GLUD1: variants seen among roughly 807,000 people sequenced by gnomAD.
GLUD1 encodes glutamate dehydrogenase 1, mitochondrial.
In GLUD1, 22 loss-of-function variants were observed where a neutral mutation model predicts 56.0. The ratio of observed to expected loss-of-function variants is 0.39; its 90% CI spans 0.28 to 0.56. The LOEUF is 0.56. Among genes scored for constraint, GLUD1 ranks in the 20% least tolerant of loss-of-function variants. The pLI, the probability that GLUD1 is intolerant of heterozygous loss-of-function variation, is 0.58. For synonymous variants in GLUD1, 223 were observed against 269.9 expected, an observed-to-expected ratio of 0.83 and a Z score of 1.70; for missense variants, 451 against 732.0, an observed-to-expected ratio of 0.62 and a Z score of 4.43.
rs1360155751 is a variant in GLUD1, at chr10:87,061,029, G to A, written c.945C>T (p.His315=). The A allele has an allele frequency of 1.2e-6, 2 of 1,613,604 alleles. No homozygotes were observed. The highest frequency in any genetic ancestry group is 1.7e-6 in the Non-Finnish European group (2 of 1,179,682). Residue 315 remains histidine, a synonymous_variant, in exon 7 of 13, where the codon CAC becomes CAT. Coordinates refer to ENST00000277865, the MANE Select transcript of GLUD1 (RefSeq NM_005271.5). ...VVQGFGNVGL[H]SMRYLHRFGA... is the part of the protein sequence containing the mutation. ...CAAAACGATGTAAATATCTCATAGAGTGTAGGCCCACATTACCAAATCCCT... is the reference window on the plus strand; with the variant it reads ...CAAAACGATGTAAATATCTCATAGAATGTAGGCCCACATTACCAAATCCCT...
intron 5 of GLUD1, among the ~76,000 whole-genome samples, chr10:87,064,850 G>C (rs1041995029): frequency 6.6e-6 from 1 of 152,192 alleles, no homozygotes. Context: ...TCTGGGGTCA[G>C]GCCTGGCGCC....
chr10:87,066,771 C>A (rs886082019), intron 5 of GLUD1, among the ~76,000 whole-genome samples: 2 of 152,248 alleles, frequency 1.3e-5, no homozygotes, highest in Admixed American at 1.3e-4. Context: ...ACACATGGCC[C>A]TGCATGTAGT....
At chr10:87,069,514 C>CAAAAAAAAAAAAAAAAAAAAAAAAA (rs374019349) in intron 4 of GLUD1, among the ~76,000 whole-genome samples, 1 of 62,620 alleles carries the variant, frequency 1.6e-5, no homozygotes, top group Non-Finnish European at 3.3e-5. Context: ...GACTCTGTTT[C>CAAAAAAAAAAAAAAAAAAAAAAAAA]AAAAAAAAAA....
chr10:87,079,119 T>G (rs894981693), intron 1 of GLUD1, among the ~76,000 whole-genome samples: 1 of 152,126 alleles, frequency 6.6e-6, no homozygotes, highest in Non-Finnish European at 1.5e-5. Context: ...GTTGTATTCA[T>G]AAATCATAAA....
At chr10:87,080,050 G>T (rs1264989880) in intron 1 of GLUD1, among the ~76,000 whole-genome samples, 2 of 151,594 alleles carry the variant, frequency 1.3e-5, no homozygotes, top group Non-Finnish European at 2.9e-5. Flanking sequence ...TGATTCTCCT[G>T]CCTCAGCCTG....
intron 1 of GLUD1, among the ~76,000 whole-genome samples, chr10:87,080,507 A>G (rs1057316811): frequency 1.3e-5 from 2 of 151,062 alleles, no homozygotes; most frequent in Non-Finnish European, 2.9e-5. Context: ...GCCTCTTCCC[A>G]GCCGCCATCC....
At chr10:87,081,507 G>C (rs1052425256) in intron 1 of GLUD1, among the ~76,000 whole-genome samples, 2 of 152,126 alleles carry the variant, frequency 1.3e-5, no homozygotes, top group Admixed American at 6.5e-5. Context: ...AATAGAAAGC[G>C]GGGAAAGGTG....
In GLUD1 at chr10:87,094,464, C is replaced by A. The variant is rs1841661382; in HGVS notation, c.306G>T (p.Val102=). Residue 102 remains valine (V), a synonymous_variant, in exon 1 of 13, where the codon GTG becomes GTT. Transcript: ENST00000277865. The surrounding 1 kb of genome is among the most constrained non-coding windows in gnomAD (Gnocchi z 6.6). ...RESEEQKRNR[V]RGILRIIKPC... is the part of the protein sequence containing the mutation. ...GCTTGATGATCCGCAGGATGCCGCG[C>A]ACCCGGTTCCGCTTCTGCTCCTCGC... 1 of 1,613,748 alleles carries A rather than the reference C, an allele frequency of 6.2e-7. No individual in the cohort carries two copies. Among genetic ancestry groups the A allele is most frequent in the Non-Finnish European group, 8.5e-7 (1 of 1,179,978 alleles).
chr10:87,083,838 C>CAT (rs1649211901), intron 1 of GLUD1, among the ~76,000 whole-genome samples: 1 of 151,940 alleles, frequency 6.6e-6, no homozygotes, highest in South Asian at 2.1e-4. Context: ...CACACACACA[C>CAT]GCACACACCG....
intron 4 of GLUD1, among the ~76,000 whole-genome samples, chr10:87,073,133 C>A (rs1846284539): frequency 6.6e-6 from 1 of 152,120 alleles, no homozygotes; most frequent in South Asian, 2.1e-4. Flanking sequence ...AAAAATGAAT[C>A]CGAATAGCTT....
intron 5 of GLUD1, 128 bp downstream of exon 5, chr10:87,067,935 T>G: frequency 1.5e-6 from 1 of 685,370 alleles, no homozygotes. Context: ...TAAAATAATA[T>G]GCACATCAAG....
intron 1 of GLUD1, among the ~76,000 whole-genome samples, chr10:87,080,045 C>T (rs1005808463): frequency 6.6e-5 from 10 of 151,814 alleles, no homozygotes; most frequent in African/African-American, 2.2e-4. Context: ...CTGCCTGATT[C>T]TCCTGCCTCA....
At chr10:87,093,917 T>G in intron 1 of GLUD1, 10 of 1,331,460 alleles carry the variant, frequency 7.5e-6, no homozygotes, top group South Asian at 1.2e-5. Context: ...ACAGCTTGCA[T>G]TTAGGGGAGA....
Position 87,083,430 on chromosome 10 carries a change from AAAT to A in GLUD1, c.446-6777_446-6775del, listed in dbSNP as rs1841308977. Among the ~76,000 whole-genome samples the A allele has an allele frequency of 2.0e-5, 3 of 152,186 alleles. No individual in the cohort carries two copies. The South Asian group carries it at 6.2e-4, about 31-fold the overall frequency. On this transcript the variant is annotated intron_variant, in intron 1 of 12. Transcript: ENST00000277865. ...CAATTTGAAGTTGTTCAAAAAAGTC[AAAT>A]AATAGGAAAATACATACACATACAA...
chr10:87,063,585 C>T (rs9421574), intron 5 of GLUD1, among the ~76,000 whole-genome samples: 14,255 of 152,108 alleles, frequency 0.094, 1,500 homozygotes, highest in East Asian at 0.59. Context: ...CAAAACAGAG[C>T]CTGAGACAGG....
intron 4 of GLUD1, among the ~76,000 whole-genome samples, chr10:87,072,335 C>T (rs1846261486): frequency 6.6e-6 from 1 of 152,160 alleles, no homozygotes; most frequent in South Asian, 2.1e-4. Flanking sequence ...ATAAAAATCC[C>T]AGCCTCTTTT....
At chr10:87,088,171 G>GTT (rs994726486) in intron 1 of GLUD1, among the ~76,000 whole-genome samples, 2 of 144,044 alleles carry the variant, frequency 1.4e-5, no homozygotes, top group Non-Finnish European at 3.1e-5. Flanking sequence ...GATTTACTTT[G>GTT]TTTTGTTTTT....
intron 4 of GLUD1, among the ~76,000 whole-genome samples, chr10:87,070,281 T>C (rs1465771362): frequency 6.6e-6 from 1 of 152,010 alleles, no homozygotes; most frequent in East Asian, 1.9e-4. Context: ...AGTGAGATCC[T>C]GTCTTGATTA....
At chr10:87,055,186 G>T (rs1252152530) in intron 11 of GLUD1, among the ~76,000 whole-genome samples, 1 of 152,100 alleles carries the variant, frequency 6.6e-6, no homozygotes, top group Non-Finnish European at 1.5e-5. Flanking sequence ...TTTAATCAGG[G>T]ATTTAATCAG....
Sources: allele counts gnomAD v4.1 joint callset (sites outside exome capture counted in the v4.1 genomes callset), GRCh38; gene constraint gnomAD v4.1.1; non-coding constraint Gnocchi (gnomAD v3.1); transcripts MANE v1.5; gene names NCBI Gene and HGNC (gene_info 2026-07-23, HGNC 2026-07-21).